ADGRL2: variants seen among roughly 807,000 people sequenced by gnomAD.
ADGRL2 encodes adhesion G protein-coupled receptor L2.
Under a neutral mutation model 157.4 loss-of-function variants are expected in ADGRL2, and 44 were observed. The observed-to-expected ratio is 0.28, with a 90% CI of 0.22 to 0.36. The LOEUF is 0.36. Ranked by LOEUF, ADGRL2 falls within the 10% of genes least tolerant of loss-of-function variation. The pLI, the probability that ADGRL2 is intolerant of heterozygous loss-of-function variation, is 1.00. For missense variants in ADGRL2, 1,510 were observed against 1,768.9 expected, an observed-to-expected ratio of 0.85 and a Z score of 2.63; for synonymous variants, 585 against 624.7, an observed-to-expected ratio of 0.94 and a Z score of 0.95.
At chr1:81,547,107 A>G (rs1330273429) in intron 2 of ADGRL2, among the ~76,000 whole-genome samples, 2 of 152,144 alleles carry the variant, frequency 1.3e-5, no homozygotes, top group African/African-American at 4.8e-5. Context: ...TGCTTTGGCA[A>G]AGTTGCCAGG....
chr1:81,460,316 G>A (rs184187849), intron 2 of ADGRL2, among the ~76,000 whole-genome samples: 46 of 151,642 alleles, frequency 3.0e-4, no homozygotes, highest in Admixed American at 2.6e-3. Context: ...GATATCTCCA[G>A]AATATTATTT....
intron 1 of ADGRL2, among the ~76,000 whole-genome samples, chr1:81,392,039 C>T (rs74682794): frequency 0.01 from 1,577 of 152,198 alleles, 12 homozygotes; most frequent in Non-Finnish European, 0.017. Context: ...AATCATACGA[C>T]TTGCAACGAA....
chr1:81,559,741 G>A (rs2080397797), intron 2 of ADGRL2, among the ~76,000 whole-genome samples: 1 of 152,114 alleles, frequency 6.6e-6, no homozygotes. Flanking sequence ...TTCATCTCTA[G>A]GGAGTAATGT....
chr1:81,943,156 T>C lies in ADGRL2; in HGVS notation c.597T>C (p.Ser199=), dbSNP rs947062679. 13 of 1,613,444 alleles carry C rather than the reference T, an allele frequency of 8.1e-6. No individual in the cohort carries two copies. The Admixed American group carries it at 1.7e-4, about 21-fold the overall frequency. ...EYASLEDFQN[S]RQTTTYKLPN... ...CTTCTTTAGAAGATTTCCAAAATAG[T>C]CGCCAAACAACAACATATAAACTTC... The change falls in exon 6 of 24, where the codon AGT becomes AGC. Residue 199 remains serine (S), a synonymous_variant. Coordinates refer to ENST00000686636, the MANE Select transcript of ADGRL2 (RefSeq NM_001366006.2). The surrounding 1 kb of genome is among the most constrained non-coding windows in gnomAD (Gnocchi z 5.6).
intron 1 of ADGRL2, among the ~76,000 whole-genome samples, chr1:81,827,576 T>A (rs1312836051): frequency 6.6e-6 from 1 of 151,820 alleles, no homozygotes; most frequent in East Asian, 2.0e-4. Flanking sequence ...ACACGAATTG[T>A]TTTTTTTGAG....
chr1:81,572,154 G>A (rs967098762), intron 2 of ADGRL2, among the ~76,000 whole-genome samples: 1 of 152,124 alleles, frequency 6.6e-6, no homozygotes, highest in East Asian at 1.9e-4. Flanking sequence ...GAATTTATTG[G>A]CCTCTGACAA....
intron 6 of ADGRL2, among the ~76,000 whole-genome samples, chr1:81,946,340 CTT>C (rs397861989): frequency 2.3e-4 from 30 of 128,552 alleles, no homozygotes; most frequent in African/African-American, 2.6e-4. Context: ...GTGCCTTAAT[CTT>C]TTTTTTTTTT....
chr1:81,516,763 A>C (rs749228683), intron 2 of ADGRL2, among the ~76,000 whole-genome samples: 25 of 152,230 alleles, frequency 1.6e-4, no homozygotes, highest in Admixed American at 3.9e-4. Context: ...AGCTAAGTGG[A>C]AAAGTGTATA....
At chr1:81,437,302 C>CT (rs892812370) in intron 1 of ADGRL2, among the ~76,000 whole-genome samples, 8 of 151,814 alleles carry the variant, frequency 5.3e-5, no homozygotes, top group East Asian at 1.9e-4. Flanking sequence ...AAAAGGAAAG[C>CT]TTTTTTTTAC....
chr1:81,418,973 G>T (rs1480347437), intron 1 of ADGRL2, among the ~76,000 whole-genome samples: 1 of 152,118 alleles, frequency 6.6e-6, no homozygotes, highest in Non-Finnish European at 1.5e-5. Context: ...TCAGAGAGAT[G>T]CTACAAAGTT....
At chr1:81,556,889 G>A (rs2080292639) in intron 2 of ADGRL2, among the ~76,000 whole-genome samples, 1 of 151,646 alleles carries the variant, frequency 6.6e-6, no homozygotes, top group Non-Finnish European at 1.5e-5. Flanking sequence ...CAGCCTGACC[G>A]ACATGGTGAA....
At chr1:81,782,550 C>T (rs1426420081) in intron 2 of ADGRL2, among the ~76,000 whole-genome samples, 1 of 152,144 alleles carries the variant, frequency 6.6e-6, no homozygotes, top group Non-Finnish European at 1.5e-5. Context: ...TCAAAGTTTA[C>T]CATTTTTCCT....
At chr1:81,539,573 T>C (rs1176174315) in intron 2 of ADGRL2, among the ~76,000 whole-genome samples, 2 of 152,210 alleles carry the variant, frequency 1.3e-5, no homozygotes, top group Non-Finnish European at 2.9e-5. Flanking sequence ...TCATATGGCA[T>C]GTTATGAGTT....
chr1:81,687,035 C>T (rs984923368), intron 3 of ADGRL2, among the ~76,000 whole-genome samples: 1 of 152,096 alleles, frequency 6.6e-6, no homozygotes, highest in African/African-American at 2.4e-5. Context: ...TTTATTGAGG[C>T]TCATTTTATG....
At chr1:81,437,777 G>A (rs181597699) in intron 1 of ADGRL2, among the ~76,000 whole-genome samples, 1 of 152,198 alleles carries the variant, frequency 6.6e-6, no homozygotes, top group Non-Finnish European at 1.5e-5. Flanking sequence ...TCTATTTTAG[G>A]GTCCAGTGGT....
intron 2 of ADGRL2, among the ~76,000 whole-genome samples, chr1:81,455,207 C>T (rs1441841709): frequency 6.6e-6 from 1 of 152,192 alleles, no homozygotes; most frequent in African/African-American, 2.4e-5. Context: ...CTCTGTCAGT[C>T]AGTGTATCAA....
intron 2 of ADGRL2, among the ~76,000 whole-genome samples, chr1:81,851,206 A>G (rs147035251): frequency 3.5e-4 from 53 of 151,982 alleles, no homozygotes; most frequent in African/African-American, 1.3e-3. Flanking sequence ...CTCAATTCTT[A>G]TTAGGAGATT....
intron 2 of ADGRL2, among the ~76,000 whole-genome samples, chr1:81,856,820 T>C (rs982362963): frequency 6.6e-6 from 1 of 152,020 alleles, no homozygotes; most frequent in Non-Finnish European, 1.5e-5. Context: ...AAAAAAAAAT[T>C]AGGGCCTTAA....
intron 1 of ADGRL2, among the ~76,000 whole-genome samples, chr1:81,318,081 T>C (rs571477273): frequency 6.6e-6 from 1 of 152,276 alleles, no homozygotes; most frequent in South Asian, 2.1e-4. Context: ...ATAGAAAACA[T>C]ACTCTCCACC....
Sources: gnomAD v4.1 joint callset for allele counts (sites outside exome capture counted in the v4.1 genomes callset) on GRCh38, gnomAD v4.1.1 for gene constraint, Gnocchi (gnomAD v3.1) non-coding constraint, MANE v1.5 for transcripts, NCBI Gene and HGNC (gene_info 2026-07-23, HGNC 2026-07-21) for gene names.